GMDS: variants seen among roughly 807,000 people sequenced by gnomAD.
GMDS encodes GDP-mannose 4,6-dehydratase.
GMDS carries 20 observed loss-of-function variants against 49.9 expected under a neutral mutation model. That is an observed-to-expected ratio of 0.40 (90% CI 0.28 to 0.58). The LOEUF is 0.58. GMDS is among the 20% of genes least tolerant of loss of function. The pLI, the probability that GMDS is intolerant of heterozygous loss-of-function variation, is 0.42. For missense variants in GMDS, 362 were observed against 481.4 expected, an observed-to-expected ratio of 0.75 and a Z score of 2.32; for synonymous variants, 177 against 178.6, an observed-to-expected ratio of 0.99 and a Z score of 0.07.
chr6:1,656,636 T>G (rs981980557), intron 9 of GMDS, among the ~76,000 whole-genome samples: 1 of 151,890 alleles, frequency 6.6e-6, no homozygotes, highest in African/African-American at 2.4e-5. Context: ...TGGTGGTGTG[T>G]GCCTGTAATC....
chr6:2,101,246 T>A (rs992166934), intron 4 of GMDS, among the ~76,000 whole-genome samples: 1 of 151,236 alleles, frequency 6.6e-6, no homozygotes, highest in Non-Finnish European at 1.5e-5. Context: ...TTTTCCCAAG[T>A]GATAGAACTT....
chr6:1,699,599 T>G (rs982879977), intron 9 of GMDS, among the ~76,000 whole-genome samples: 4 of 152,190 alleles, frequency 2.6e-5, no homozygotes, highest in Non-Finnish European at 5.9e-5. Flanking sequence ...AGCCCCTTCC[T>G]TGAATCACCC....
chr6:2,049,458 T>G (rs1309170831), intron 4 of GMDS, among the ~76,000 whole-genome samples: 2 of 152,224 alleles, frequency 1.3e-5, no homozygotes, highest in Non-Finnish European at 2.9e-5. Context: ...ACACACATTC[T>G]TAGCACTGCA....
intron 7 of GMDS, among the ~76,000 whole-genome samples, chr6:1,744,576 ACACT>A (rs1323589322): frequency 1.6e-4 from 8 of 51,154 alleles, no homozygotes; most frequent in Non-Finnish European, 3.8e-4. Flanking sequence ...AGCTCCCTGA[ACACT>A]GTTAAACACT....
At chr6:1,832,494 T>C (rs978279759) in intron 7 of GMDS, among the ~76,000 whole-genome samples, 1 of 152,070 alleles carries the variant, frequency 6.6e-6, no homozygotes, top group African/African-American at 2.4e-5. Context: ...TTTATGTGTG[T>C]TGGAGAGCAT....
chr6:2,172,928 A>G (rs1386630605), intron 1 of GMDS, among the ~76,000 whole-genome samples: 1 of 152,204 alleles, frequency 6.6e-6, no homozygotes, highest in African/African-American at 2.4e-5. Context: ...TTCATGAAAC[A>G]TTTGTAAAAA....
chr6:1,970,740 A>C (rs536762716), intron 4 of GMDS, among the ~76,000 whole-genome samples: 1 of 152,262 alleles, frequency 6.6e-6, no homozygotes. Context: ...GACAGATGAC[A>C]TGGACAGATC....
At chr6:1,944,600 G>A (rs1199018328) in intron 6 of GMDS, among the ~76,000 whole-genome samples, 3 of 148,950 alleles carry the variant, frequency 2.0e-5, no homozygotes, top group African/African-American at 7.5e-5. Flanking sequence ...AACCCAGGAA[G>A]CGGAGCTTGC....
chr6:1,945,228 T>G (rs1177132563), intron 6 of GMDS, among the ~76,000 whole-genome samples: 1 of 152,030 alleles, frequency 6.6e-6, no homozygotes, highest in Non-Finnish European at 1.5e-5. Flanking sequence ...GCCTCTCTGC[T>G]TGAATCATAT....
At chr6:2,219,994 C>T (rs577030736) in intron 1 of GMDS, among the ~76,000 whole-genome samples, 2 of 152,276 alleles carry the variant, frequency 1.3e-5, no homozygotes, top group South Asian at 4.1e-4. Flanking sequence ...GATGTCAACA[C>T]TGCAGAAAAA....
At chr6:1,767,797 A>C (rs1768416417) in intron 7 of GMDS, among the ~76,000 whole-genome samples, 1 of 152,212 alleles carries the variant, frequency 6.6e-6, no homozygotes, top group Admixed American at 6.5e-5. Flanking sequence ...CTAAATTAGC[A>C]TGAGATAACT....
intron 8 of GMDS, among the ~76,000 whole-genome samples, chr6:1,741,636 A>T (rs1324130737): frequency 1.3e-5 from 2 of 151,414 alleles, no homozygotes; most frequent in African/African-American, 4.9e-5. Flanking sequence ...ACACAATGAA[A>T]CCCCATCTCT....
chr6:1,788,793 A>C (rs907766866), intron 7 of GMDS, among the ~76,000 whole-genome samples: 4 of 152,228 alleles, frequency 2.6e-5, no homozygotes, highest in African/African-American at 9.7e-5. Context: ...AAAATAAAAA[A>C]ATTAATTAAC....
intron 4 of GMDS, among the ~76,000 whole-genome samples, chr6:2,049,246 C>G (rs757520208): frequency 6.6e-6 from 1 of 152,116 alleles, no homozygotes; most frequent in Non-Finnish European, 1.5e-5. Flanking sequence ...TCTATAGATT[C>G]ATTAGGAATT....
chr6:2,204,008 A>C (rs1373554035), intron 1 of GMDS, among the ~76,000 whole-genome samples: 1 of 152,180 alleles, frequency 6.6e-6, no homozygotes, highest in Non-Finnish European at 1.5e-5. Flanking sequence ...TGACTTTACA[A>C]ATTTTCTTAA....
rs1338050437 is a variant in GMDS, at chr6:2,066,915, T to G, written c.345+48856A>C. 2.0e-5 allele frequency among the ~76,000 whole-genome samples: 3 copies of G among 152,094 alleles called. No individual in the cohort carries two copies. In the East Asian group the frequency reaches 5.8e-4, roughly 29 times the overall value. Reference sequence around the variant, plus strand: ...AACTCAGCTCTGCACCAAGCGGACCTAATACACATCTACAGAACCCTCCAC... The same window carrying G: ...AACTCAGCTCTGCACCAAGCGGACCGAATACACATCTACAGAACCCTCCAC... On this transcript the variant is annotated intron_variant, in intron 4 of 10. Transcript: ENST00000380815.
At chr6:1,756,019 A>C (rs1767926048) in intron 7 of GMDS, among the ~76,000 whole-genome samples, 1 of 152,222 alleles carries the variant, frequency 6.6e-6, no homozygotes, top group African/African-American at 2.4e-5. Flanking sequence ...CATCTGACAA[A>C]GGGCTAATAT....
chr6:1,902,086 C>T (rs974495786), intron 7 of GMDS, among the ~76,000 whole-genome samples: 1 of 152,170 alleles, frequency 6.6e-6, no homozygotes, highest in Admixed American at 6.5e-5. Flanking sequence ...TACCAAATGC[C>T]AACTGGCTCA....
At chr6:2,019,578 T>C (rs1383628322) in intron 4 of GMDS, among the ~76,000 whole-genome samples, 1 of 152,114 alleles carries the variant, frequency 6.6e-6, no homozygotes, top group Non-Finnish European at 1.5e-5. Context: ...GCCTCCGAAG[T>C]AGTTGGGATT....
Sources: allele counts gnomAD v4.1 joint callset (sites outside exome capture counted in the v4.1 genomes callset), GRCh38; gene constraint gnomAD v4.1.1; transcripts MANE v1.5; gene names NCBI Gene and HGNC (gene_info 2026-07-23, HGNC 2026-07-21).